The following XPO5 variants were observed in gnomAD, a reference collection of about 807,000 sequenced individuals.
XPO5 encodes the protein exportin 5, also known as exportin-5.
Under a neutral mutation model 160.6 loss-of-function variants are expected in XPO5, and 46 were observed. That is an observed-to-expected ratio of 0.29 (90% CI 0.23 to 0.37). The LOEUF (loss-of-function observed/expected upper bound fraction) is 0.37. Ranked by LOEUF, XPO5 falls within the 10% of genes least tolerant of loss-of-function variation. XPO5 has a pLI of 1.00. For synonymous variants in XPO5, 537 were observed against 519.3 expected (o/e 1.03, Z -0.46); for missense variants, 1,090 against 1,463.9 (o/e 0.74, Z 4.17).
At chr6:43,532,177 T>C (rs892848668) in intron 21 of XPO5, among the ~76,000 whole-genome samples, 5 of 152,162 alleles carry the variant, frequency 3.3e-5, no homozygotes, top group Non-Finnish European at 7.3e-5. Flanking sequence ...CTTTTTATAT[T>C]AATAGCTATA....
At chr6:43,561,373 G>GTT (rs1762407384) in intron 9 of XPO5, 1 of 169,780 alleles carries the variant, frequency 5.9e-6, no homozygotes, top group Non-Finnish European at 1.3e-5. Flanking sequence ...CCCTTCAATA[G>GTT]TTTCTTTTCT....
chr6:43,529,377 CTA>C, intron 23 of XPO5: 9 of 108,318 alleles, frequency 8.3e-5, no homozygotes, highest in South Asian at 2.3e-4. Context: ...CCCGTCTCTA[CTA>C]AAAAAAAAAA....
chr6:43,563,414 C>T (rs1762512329), intron 8 of XPO5, among the ~76,000 whole-genome samples: 1 of 152,296 alleles, frequency 6.6e-6, no homozygotes, highest in South Asian at 2.1e-4. Flanking sequence ...GGATTACAGG[C>T]ATGAGCCATT....
At position 43,527,689 on chromosome 6, in the gene XPO5, C is replaced by T. The variant is rs748124809; in HGVS notation, c.2865G>A (p.Glu955=). 5 of 1,614,026 alleles carry T rather than the reference C, an allele frequency of 3.1e-6. No individual in the cohort carries two copies. Among genetic ancestry groups the T allele is most frequent in the Admixed American group, 1.7e-5 (1 of 60,026 alleles). The change falls in exon 26 of 32, where the codon GAG becomes GAA. Residue 955 remains glutamate (E), a synonymous_variant. Coordinates refer to ENST00000265351, the MANE Select transcript of XPO5 (RefSeq NM_020750.3). ...EAADENPESQ[E]MLEEQLVRML... The stretch of plus-strand genomic sequence containing the variant: ...TCCTCACCAGTTGCTCCTCCAGCAT[C>T]TCTTGAGACTCTGGGTTTTCATCTG...
At chr6:43,572,713 A>G in intron 2 of XPO5, 135 bp from the exon 3 acceptor site, 1 of 957,650 alleles carries the variant, frequency 1.0e-6, no homozygotes, top group Non-Finnish European at 1.6e-6. Flanking sequence ...TGTACCTGTC[A>G]ATGAATGGGC....
chr6:43,558,638 T>G (rs1762242348), intron 11 of XPO5, 47 bp from the exon 12 acceptor site: 10 of 1,435,870 alleles, frequency 7.0e-6, no homozygotes, highest in Non-Finnish European at 9.4e-6. Flanking sequence ...GTGGACCCAC[T>G]GAAAGAGTTT....
At position 43,528,784 on chromosome 6, in the gene XPO5, C is replaced by T. The variant is rs1381178209; in HGVS notation, c.2775+44G>A. 5.8e-6 allele frequency: 9 copies of T among 1,558,386 alleles called. No individual in the cohort carries two copies. In the African/African-American group the frequency reaches 1.2e-4, roughly 21 times the overall value. ...TGCAAAGCTCAGAAATGGCCAGAGGCCTTAATAGTACTCTTTGCTTCCTGT... is the reference window on the plus strand; with the variant it reads ...TGCAAAGCTCAGAAATGGCCAGAGGTCTTAATAGTACTCTTTGCTTCCTGT... On this transcript the variant is annotated intron_variant, in intron 24 of 31. Coordinates refer to ENST00000265351, the MANE Select transcript of XPO5 (RefSeq NM_020750.3).
intron 12 of XPO5, among the ~76,000 whole-genome samples, chr6:43,556,952 A>C (rs1312296987): frequency 6.6e-6 from 1 of 151,968 alleles, no homozygotes; most frequent in East Asian, 1.9e-4. Flanking sequence ...ACATGATGAA[A>C]CCCAGTCTCT....
rs1049318088 is a variant in XPO5, at chr6:43,545,205, A to C, written c.2342+1366T>G. ...TGTCTATTTCCACAGACATGTCCAC[A>C]ATGACAACTTTATCAGACACTCCAG... is the stretch of plus-strand genomic sequence containing the variant. On this transcript the variant is annotated intron_variant, in intron 20 of 31. Coordinates refer to ENST00000265351, the MANE Select transcript of XPO5 (RefSeq NM_020750.3). 3.9e-5 allele frequency among the ~76,000 whole-genome samples: 6 copies of C among 152,194 alleles called. No homozygotes were observed. In the South Asian group the frequency reaches 1.2e-3, roughly 32 times the overall value.
In XPO5 at chr6:43,522,925, T is replaced by C. The variant is rs1442319432; in HGVS notation, c.*943A>G. ...GTGAAGGCATGTATTCTTTTGGAAATGGCCTTTGAGAAAAGTAACCAGGGA... is the reference window on the plus strand; with the variant it reads ...GTGAAGGCATGTATTCTTTTGGAAACGGCCTTTGAGAAAAGTAACCAGGGA... On this transcript the variant is annotated 3_prime_UTR_variant, in exon 32 of 32. Transcript: ENST00000265351. The C allele has an allele frequency of 1.8e-5, 3 of 169,138 alleles. No individual in the cohort carries two copies. The allele number at this position is 169,138 out of a possible 1,614,324, so 10.5% of individuals were successfully genotyped here. A position where few individuals can be genotyped will look rare whatever the true frequency, so the allele number is the denominator to read the frequency against.
At chr6:43,539,402 G>A (rs1166020951) in intron 20 of XPO5, 4 of 1,575,060 alleles carry the variant, frequency 2.5e-6, no homozygotes, top group African/African-American at 2.7e-5. Context: ...ATCCTTGAGA[G>A]AGGCCCCCAG....
intron 23 of XPO5, 51 bp downstream of exon 23, chr6:43,530,637 C>G: frequency 1.3e-6 from 2 of 1,597,682 alleles, no homozygotes; most frequent in Non-Finnish European, 1.7e-6. Flanking sequence ...TTTTGTTTCT[C>G]TCTCTAATTT....
intron 10 of XPO5, 66 bp downstream of exon 10, chr6:43,560,858 A>G (rs1762380072): frequency 7.9e-7 from 1 of 1,262,436 alleles, no homozygotes; most frequent in Non-Finnish European, 1.2e-6. Context: ...ATAATATTTC[A>G]GGACACAGTG....
chr6:43,524,275 CTGGGAGGCGGAG>C (rs1452203010), intron 31 of XPO5, among the ~76,000 whole-genome samples, 184 bp downstream of exon 31: 3 of 151,288 alleles, frequency 2.0e-5, no homozygotes, highest in African/African-American at 7.3e-5. Context: ...TCGTTTGAAC[CTGGGAGGCGGAG>C]GTTGTGGTGA....
chr6:43,554,065 A>G (rs192987953), intron 13 of XPO5, among the ~76,000 whole-genome samples: 1 of 152,310 alleles, frequency 6.6e-6, no homozygotes, highest in Admixed American at 6.5e-5. Flanking sequence ...ACAGCACAGC[A>G]CTCAAATAGC....
In XPO5 at chr6:43,524,549, A is replaced by C; in HGVS notation, c.3399T>G (p.Leu1133=). ...KDSLDQFDCK[L]LNPSLQKVAD... ...CCACTTTCTGCAGGGAGGGGTTTAA[A>C]AGCTTGCAGTCAAACTGGTCCAGTG... The change falls in exon 31 of 32, where the codon CTT becomes CTG. Residue 1133 remains leucine (L), a synonymous_variant. Transcript: ENST00000265351. The C allele has an allele frequency of 6.2e-7, 1 of 1,613,972 alleles. No individual in the cohort carries two copies. The highest frequency in any genetic ancestry group is 8.5e-7 in the Non-Finnish European group (1 of 1,179,884).
chr6:43,558,739 T>C, intron 11 of XPO5, 148 bp from the exon 12 acceptor site: 1 of 593,506 alleles, frequency 1.7e-6, no homozygotes, highest in Non-Finnish European at 2.8e-6. Context: ...TTCAGTTCTA[T>C]CACAGGTCCA....
chr6:43,557,783 TA>T (rs59661301), intron 12 of XPO5, among the ~76,000 whole-genome samples: 51,679 of 86,938 alleles, frequency 0.59, 15,863 homozygotes, highest in East Asian at 0.7. Context: ...AATAAAGCTG[TA>T]AAAAAAAAAA....
chr6:43,531,599 A>C, intron 21 of XPO5, 24 bp from the exon 22 acceptor site: 1 of 1,590,642 alleles, frequency 6.3e-7, no homozygotes, highest in Non-Finnish European at 8.6e-7. Context: ...CGGGTCAAGA[A>C]CATGATGCTC....
Sources: allele counts gnomAD v4.1 joint callset (sites outside exome capture counted in the v4.1 genomes callset), GRCh38; gene constraint gnomAD v4.1.1; transcripts MANE v1.5; gene names NCBI Gene and HGNC (gene_info 2026-07-23, HGNC 2026-07-21).